MEOX2: variants seen among roughly 807,000 people sequenced by gnomAD.
MEOX2 encodes the protein homeobox protein MOX-2.
In MEOX2, 11 loss-of-function variants were observed where a neutral mutation model predicts 27.0. The observed-to-expected ratio is 0.41, with a 90% CI of 0.26 to 0.68. The LOEUF (loss-of-function observed/expected upper bound fraction) is 0.68. Ranked by LOEUF, MEOX2 falls within the 30% of genes least tolerant of loss-of-function variation. MEOX2 has a pLI of 0.33. For missense variants in MEOX2, 436 were observed against 385.4 expected (o/e 1.13, Z -1.10); for synonymous variants, 189 against 155.4 (o/e 1.22, Z -1.61).
At chr7:15,633,605 A>G (rs1416099681) in intron 1 of MEOX2, among the ~76,000 whole-genome samples, 3 of 151,930 alleles carry the variant, frequency 2.0e-5, no homozygotes, top group Non-Finnish European at 4.4e-5. Flanking sequence ...TTTTATTTAT[A>G]TTATGAAAGA....
intron 2 of MEOX2, among the ~76,000 whole-genome samples, chr7:15,621,218 A>T (rs1206940735): frequency 6.6e-6 from 1 of 152,240 alleles, no homozygotes; most frequent in Admixed American, 6.5e-5. Context: ...TGTAAACTAG[A>T]AGCTGTAAGT....
At chr7:15,626,719 T>A in intron 2 of MEOX2, 27 bp downstream of exon 2, 1 of 1,566,660 alleles carries the variant, frequency 6.4e-7, no homozygotes. Context: ...TTAAAAAAGA[T>A]CATATAATGA....
intron 2 of MEOX2, among the ~76,000 whole-genome samples, chr7:15,624,626 T>C (rs1248919949): frequency 1.3e-5 from 2 of 152,032 alleles, no homozygotes; most frequent in African/African-American, 4.8e-5. Context: ...GGCCCAACCA[T>C]CTCTTTCTTA....
In MEOX2 at chr7:15,612,458, GC is replaced by G; in HGVS notation, c.843del (p.Gln281HisfsTer7). The G allele has an allele frequency of 6.2e-7, 1 of 1,614,106 alleles. No homozygotes were observed. The highest frequency in any genetic ancestry group is 1.3e-5 in the African/African-American group (1 of 75,020). ...ELSGIGAATL[Q>X]QTGDSIANED... ...TCATTTGCTATAGAGTCCCCTGTTT[GC>G]TGGAGGGTGGCTGCACCAATTCCCG... On this transcript the variant is annotated frameshift_variant, in exon 3 of 3. Transcript: ENST00000262041. LOFTEE classifies it high-confidence loss of function.
At chr7:15,654,104 C>A (rs1781783122) in intron 1 of MEOX2, among the ~76,000 whole-genome samples, 1 of 151,884 alleles carries the variant, frequency 6.6e-6, no homozygotes, top group South Asian at 2.1e-4. Flanking sequence ...TAGTTTTCTG[C>A]ATGCAGATCC....
At chr7:15,657,647 T>C (rs1286616930) in intron 1 of MEOX2, among the ~76,000 whole-genome samples, 1 of 152,222 alleles carries the variant, frequency 6.6e-6, no homozygotes, top group Non-Finnish European at 1.5e-5. Context: ...AAAGATTTTA[T>C]GATTATTGAT....
At chr7:15,664,280 G>T (rs1781962763) in intron 1 of MEOX2, among the ~76,000 whole-genome samples, 1 of 152,146 alleles carries the variant, frequency 6.6e-6, no homozygotes, top group African/African-American at 2.4e-5. Flanking sequence ...TTCCCTTTGT[G>T]TTGTATTTGC....
intron 1 of MEOX2, chr7:15,676,180 CTCTA>C (rs1411584658): frequency 6.6e-6 from 1 of 152,260 alleles, no homozygotes; most frequent in Non-Finnish European, 1.5e-5. Flanking sequence ...TCTCTTTTAT[CTCTA>C]TCTAAGTGAT....
intron 1 of MEOX2, among the ~76,000 whole-genome samples, chr7:15,654,009 C>A (rs2115378853): frequency 6.6e-6 from 1 of 151,996 alleles, no homozygotes; most frequent in African/African-American, 2.4e-5. Context: ...AAATTGACAT[C>A]TTTACTATGT....
chr7:15,654,281 A>G (rs10249754), intron 1 of MEOX2, among the ~76,000 whole-genome samples: 87,056 of 151,672 alleles, frequency 0.57, 26,076 homozygotes, highest in East Asian at 0.75. Context: ...GTACTCACAT[A>G]TAAGTTCTAA....
chr7:15,669,344 T>C (rs1782061269), intron 1 of MEOX2, among the ~76,000 whole-genome samples: 1 of 152,244 alleles, frequency 6.6e-6, no homozygotes, highest in Non-Finnish European at 1.5e-5. Context: ...GTATATTTGT[T>C]TTTTGTGTTT....
chr7:15,622,728 T>C (rs1781239601), intron 2 of MEOX2, among the ~76,000 whole-genome samples: 1 of 152,166 alleles, frequency 6.6e-6, no homozygotes, highest in South Asian at 2.1e-4. Context: ...AAAATCTAAG[T>C]AATGGAATAG....
intron 2 of MEOX2, among the ~76,000 whole-genome samples, chr7:15,621,001 C>A (rs535046620): frequency 6.6e-6 from 1 of 152,332 alleles, no homozygotes; most frequent in Non-Finnish European, 1.5e-5. Context: ...TTTCTCTCGT[C>A]TTCCCACTGT....
intron 1 of MEOX2, among the ~76,000 whole-genome samples, chr7:15,637,944 A>G (rs1226608216): frequency 3.3e-5 from 5 of 152,076 alleles, no homozygotes; most frequent in Non-Finnish European, 7.4e-5. Context: ...AGTAATATTA[A>G]ACTTAAAATG....
chr7:15,631,604 C>A (rs1781403888), intron 1 of MEOX2, among the ~76,000 whole-genome samples: 1 of 151,516 alleles, frequency 6.6e-6, no homozygotes, highest in Middle Eastern at 3.2e-3. Flanking sequence ...TATATTTAGG[C>A]TTATGTTTAC....
At chr7:15,684,517 C>G (rs553123473) in intron 1 of MEOX2, among the ~76,000 whole-genome samples, 4 of 152,214 alleles carry the variant, frequency 2.6e-5, no homozygotes, top group African/African-American at 9.6e-5. Context: ...TAAAAGTTAG[C>G]TTTTGAGACC....
chr7:15,676,932 T>G (rs1380171850), intron 1 of MEOX2, among the ~76,000 whole-genome samples: 12 of 151,666 alleles, frequency 7.9e-5, no homozygotes, highest in Admixed American at 5.9e-4. Flanking sequence ...AGCTTTTCAA[T>G]GGAGAAGTAG....
intron 1 of MEOX2, among the ~76,000 whole-genome samples, chr7:15,656,445 T>A (rs1781823016): frequency 6.6e-6 from 1 of 151,744 alleles, no homozygotes; most frequent in South Asian, 2.1e-4. Context: ...TTCTTTTTTT[T>A]TTTCCTGCCA....
chr7:15,657,004 A>G (rs1283378440), intron 1 of MEOX2, among the ~76,000 whole-genome samples: 1 of 152,076 alleles, frequency 6.6e-6, no homozygotes, highest in Admixed American at 6.6e-5. Flanking sequence ...GCACTTGGAA[A>G]ATGTTGTACT....
Sources: gnomAD v4.1 joint callset for allele counts (sites outside exome capture counted in the v4.1 genomes callset) on GRCh38, gnomAD v4.1.1 for gene constraint, MANE v1.5 for transcripts, NCBI Gene and HGNC (gene_info 2026-07-23, HGNC 2026-07-21) for gene names.